GSE1: variants seen among roughly 807,000 people sequenced by gnomAD.
GSE1 encodes the protein Gse1 coiled-coil protein.
A neutral mutation model predicts 112.6 loss-of-function variants in GSE1; 32 were observed. That is an observed-to-expected ratio of 0.28 (90% CI 0.21 to 0.38). GSE1 has a LOEUF of 0.38. Ranked by LOEUF, GSE1 falls within the 10% of genes least tolerant of loss-of-function variation. The pLI, the probability that GSE1 is intolerant of heterozygous loss-of-function variation, is 1.00. For missense variants in GSE1, 2,348 were observed against 1,699.2 expected, an observed-to-expected ratio of 1.38 and a Z score of -6.71; for synonymous variants, 1,115 against 735.6, an observed-to-expected ratio of 1.52 and a Z score of -8.35.
chr16:85,651,754 G>A (rs1302552457), intron 3 of GSE1, among the ~76,000 whole-genome samples: 6 of 152,212 alleles, frequency 3.9e-5, no homozygotes, highest in Admixed American at 3.9e-4. Flanking sequence ...CTCCTGCCCT[G>A]GAGGCCTCCC....
At chr16:85,342,354 G>A (rs1035859022) in intron 1 of GSE1, among the ~76,000 whole-genome samples, 1 of 152,148 alleles carries the variant, frequency 6.6e-6, no homozygotes, top group Non-Finnish European at 1.5e-5. Flanking sequence ...AATACCCTTG[G>A]CAGGGGCTGG....
intron 1 of GSE1, among the ~76,000 whole-genome samples, chr16:85,589,067 ATCC>A (rs754354203): frequency 6.6e-5 from 10 of 151,250 alleles, no homozygotes; most frequent in Non-Finnish European, 8.9e-5. Flanking sequence ...AGGCCCCCAA[ATCC>A]TCCCCTTCCC....
In GSE1 at chr16:85,619,023, G is replaced by T. The variant is rs114974483; in HGVS notation, c.7+5625G>T. On this transcript the variant is annotated intron_variant, in intron 1 of 15. Coordinates refer to ENST00000253458, the MANE Select transcript of GSE1 (RefSeq NM_014615.5). The stretch of plus-strand genomic sequence containing the variant: ...CCCTACGCTCAACTGACTCCCTTGC[G>T]GTGTTGGGGGTGGCCCCTTTTCCCA... Among the ~76,000 whole-genome samples the T allele has an allele frequency of 9.1e-3, 1,393 of 152,344 alleles. 17 individuals are homozygous for T. Among genetic ancestry groups the T allele is most frequent in the African/African-American group, 0.032 (1,334 of 41,584 alleles).
chr16:85,427,792 A>G (rs1377754785), intron 2 of GSE1, among the ~76,000 whole-genome samples: 1 of 152,264 alleles, frequency 6.6e-6, no homozygotes, highest in African/African-American at 2.4e-5. Flanking sequence ...AGATCGCGCC[A>G]CTGCACTCCA....
intron 8 of GSE1, among the ~76,000 whole-genome samples, chr16:85,659,968 G>A (rs569936384): frequency 6.6e-6 from 1 of 152,338 alleles, no homozygotes; most frequent in Admixed American, 6.5e-5. Context: ...ATCCTGACTG[G>A]GAGGATCTTC....
At chr16:85,518,837 C>G (rs78559667) in intron 2 of GSE1, among the ~76,000 whole-genome samples, 5 of 152,230 alleles carry the variant, frequency 3.3e-5, no homozygotes, top group African/African-American at 4.8e-5. Flanking sequence ...GAGATACCCA[C>G]GCAGGAAGGA....
At chr16:85,660,059 G>A (rs1024016255) in intron 8 of GSE1, among the ~76,000 whole-genome samples, 1 of 152,254 alleles carries the variant, frequency 6.6e-6, no homozygotes, top group African/African-American at 2.4e-5. Context: ...TGGGGAGGGA[G>A]GAGTACTGCC....
At chr16:85,206,200 C>T (rs118138567) in intron 1 of GSE1, among the ~76,000 whole-genome samples, 3,380 of 148,966 alleles carry the variant, frequency 0.023, 44 homozygotes, top group Middle Eastern at 0.068. Flanking sequence ...ATGGGGGGGG[C>T]GCATGTGCAA....
intron 1 of GSE1, among the ~76,000 whole-genome samples, chr16:85,560,524 C>T (rs1027266834): frequency 1.3e-5 from 2 of 152,076 alleles, no homozygotes; most frequent in African/African-American, 4.8e-5. Flanking sequence ...CTTCACTGGC[C>T]AGGGGGAAAT....
Position 85,640,893 on chromosome 16 carries a change from C to T in GSE1, c.226+6761C>T, listed in dbSNP as rs370368729. 9.8e-5 allele frequency among the ~76,000 whole-genome samples: 15 copies of T among 152,350 alleles called. No homozygotes were observed. In the East Asian group the frequency reaches 2.7e-3, roughly 27 times the overall value. ...CGTCCTCATGGTGCCTCTCCGTTCT[C>T]CTGGCCCGGGGGCCAGAGGGCTGGT... is the stretch of plus-strand genomic sequence containing the variant. On this transcript the variant is annotated intron_variant, in intron 2 of 15. Coordinates refer to ENST00000253458, the MANE Select transcript of GSE1 (RefSeq NM_014615.5).
chr16:85,235,568 TGTGTGG>T (rs1245477746), intron 1 of GSE1, among the ~76,000 whole-genome samples: 4 of 34,208 alleles, frequency 1.2e-4, no homozygotes, highest in Non-Finnish European at 1.8e-4. Context: ...TATATGTGTG[TGTGTGG>T]GTGGGGGGGG....
intron 1 of GSE1, among the ~76,000 whole-genome samples, chr16:85,335,967 G>C (rs2046473664): frequency 6.6e-6 from 1 of 152,148 alleles, no homozygotes. Context: ...CTGGGGCTGG[G>C]GTCCCAGGAG....
intron 2 of GSE1, among the ~76,000 whole-genome samples, chr16:85,538,051 C>A (rs1339302621): frequency 6.6e-6 from 1 of 152,214 alleles, no homozygotes; most frequent in African/African-American, 2.4e-5. Flanking sequence ...GCACCATTTC[C>A]CACTGGCCAC....
intron 1 of GSE1, among the ~76,000 whole-genome samples, chr16:85,256,659 C>G (rs894996424): frequency 5.3e-5 from 8 of 152,280 alleles, no homozygotes; most frequent in African/African-American, 1.9e-4. Flanking sequence ...CCTGAACACA[C>G]CCACCAGCTC....
chr16:85,342,348 C>A (rs2046641547), intron 1 of GSE1, among the ~76,000 whole-genome samples: 1 of 152,184 alleles, frequency 6.6e-6, no homozygotes, highest in African/African-American at 2.4e-5. Flanking sequence ...CACTGTAATA[C>A]CCTTGGCAGG....
At chr16:85,310,658 G>T (rs2045813865) in intron 1 of GSE1, among the ~76,000 whole-genome samples, 1 of 152,104 alleles carries the variant, frequency 6.6e-6, no homozygotes, top group South Asian at 2.1e-4. Context: ...GGCTGGCAGG[G>T]AGGGAGGGAG....
chr16:85,653,678 G>T (rs922881436), intron 3 of GSE1, among the ~76,000 whole-genome samples: 2 of 152,184 alleles, frequency 1.3e-5, no homozygotes, highest in East Asian at 3.9e-4. Flanking sequence ...TGCCTGTTCT[G>T]GTGGGCTCCA....
At chr16:85,659,792 A>G (rs890242016) in intron 8 of GSE1, 6 of 152,270 alleles carry the variant, frequency 3.9e-5, no homozygotes, top group African/African-American at 1.4e-4. Context: ...TTCTTGTTTA[A>G]TGGAAGGGTT....
chr16:85,302,442 C>A (rs1350909434), intron 1 of GSE1, among the ~76,000 whole-genome samples: 1 of 100,420 alleles, frequency 1.0e-5, no homozygotes, highest in Admixed American at 1.0e-4. Context: ...TGAGTCACAG[C>A]ACACCGCCCC....
Sources: allele counts gnomAD v4.1 joint callset (sites outside exome capture counted in the v4.1 genomes callset), GRCh38; gene constraint gnomAD v4.1.1; transcripts MANE v1.5; gene names NCBI Gene and HGNC (gene_info 2026-07-23, HGNC 2026-07-21).